The following FAM120B variants were observed in gnomAD, a reference collection of about 807,000 sequenced individuals.
The protein encoded by FAM120B is family with sequence similarity 120 member B.
FAM120B carries 83 observed loss-of-function variants against 96.3 expected under a neutral mutation model. The observed-to-expected ratio is 0.86, with a 90% confidence interval of 0.72 to 1.03. The LOEUF (loss-of-function observed/expected upper bound fraction) is 1.03, where lower values mean the gene tolerates loss of function less well. Ranked by LOEUF, FAM120B falls within the 50% of genes least tolerant of loss-of-function variation. The pLI is 0.00. For missense variants in FAM120B, 1,027 were observed against 1,121.2 expected (o/e 0.92, Z 1.20); for synonymous variants, 407 against 402.7 (o/e 1.01, Z -0.13).
At chr6:170,305,221 C>T (rs771726567), upstream of FAM120B, among the ~76,000 whole-genome samples, 23 of 152,274 alleles carry the variant, frequency 1.5e-4, no homozygotes, top group Non-Finnish European at 2.4e-4. Context: ...ATATGTTTCA[C>T]TTGTTGCCTA....
intron 4 of FAM120B, among the ~76,000 whole-genome samples, chr6:170,334,851 T>C (rs1786305520): frequency 1.3e-5 from 2 of 152,204 alleles, no homozygotes; most frequent in Non-Finnish European, 2.9e-5. Context: ...GGTGTAATGA[T>C]GTAATTTTTG....
chr6:170,346,232 AGGTAAAATC>A (rs1317764036), intron 4 of FAM120B, among the ~76,000 whole-genome samples: 3 of 151,920 alleles, frequency 2.0e-5, no homozygotes, highest in African/African-American at 7.3e-5. Context: ...AATGAAACAC[AGGTAAAATC>A]TTTCCACTGT....
intron 9 of FAM120B, among the ~76,000 whole-genome samples, chr6:170,399,624 C>T (rs76567766): frequency 7.4e-5 from 8 of 108,052 alleles, no homozygotes; most frequent in East Asian, 3.5e-4. Flanking sequence ...ATGTCATAAG[C>T]CTTAGGAGTG....
intron 8 of FAM120B, among the ~76,000 whole-genome samples, chr6:170,394,108 A>G (rs1790605576): frequency 6.6e-6 from 1 of 152,210 alleles, no homozygotes; most frequent in Non-Finnish European, 1.5e-5. Context: ...CCAGTCCTGC[A>G]GACCAGTAGC....
intron 5 of FAM120B, among the ~76,000 whole-genome samples, chr6:170,357,339 A>G (rs1239169557): frequency 2.0e-5 from 3 of 151,980 alleles, no homozygotes; most frequent in Non-Finnish European, 2.9e-5. Flanking sequence ...AAGGGGTGGC[A>G]CCGTCTGCTC....
intron 6 of FAM120B, among the ~76,000 whole-genome samples, chr6:170,373,728 A>G (rs993002549): frequency 1.3e-5 from 2 of 152,258 alleles, no homozygotes; most frequent in East Asian, 3.8e-4. Context: ...GTAAAAGCAC[A>G]AGGCAAACAG....
intron 4 of FAM120B, among the ~76,000 whole-genome samples, chr6:170,341,882 G>T (rs371463673): frequency 6.6e-6 from 1 of 152,210 alleles, no homozygotes; most frequent in African/African-American, 2.4e-5. Context: ...AGCCTTCTGC[G>T]TTGGAATTGC....
intron 9 of FAM120B, 70 bp from the exon 10 acceptor site, chr6:170,404,480 T>G: frequency 7.4e-7 from 1 of 1,342,556 alleles, no homozygotes; most frequent in Non-Finnish European, 1.1e-6. Context: ...CTTAGAAATG[T>G]GCAGCATTCT....
At chr6:170,342,978 C>A (rs536349339) in intron 4 of FAM120B, among the ~76,000 whole-genome samples, 4 of 152,330 alleles carry the variant, frequency 2.6e-5, no homozygotes, top group African/African-American at 9.6e-5. Flanking sequence ...GTTGCCCTCC[C>A]CTGAGTTGGT....
At chr6:170,369,582 T>A (rs66805711) in intron 6 of FAM120B, among the ~76,000 whole-genome samples, 45,623 of 152,034 alleles carry the variant, frequency 0.3, 8,329 homozygotes, top group East Asian at 0.9. Flanking sequence ...ATGATAAAGG[T>A]TCCAGGTGTT....
intron 5 of FAM120B, among the ~76,000 whole-genome samples, chr6:170,355,265 G>A (rs996393829): frequency 2.6e-5 from 4 of 152,152 alleles, no homozygotes; most frequent in Non-Finnish European, 1.5e-5. Flanking sequence ...ATACATGCAT[G>A]AGTATGTTCA....
chr6:170,395,055 G>A (rs190339401), intron 8 of FAM120B, among the ~76,000 whole-genome samples: 2 of 152,346 alleles, frequency 1.3e-5, no homozygotes, highest in African/African-American at 4.8e-5. Context: ...TTTAAAGCAC[G>A]AAAAGTGTGT....
At chr6:170,371,234 GAC>G (rs1425096220) in intron 6 of FAM120B, among the ~76,000 whole-genome samples, 14 of 151,314 alleles carry the variant, frequency 9.3e-5, no homozygotes, top group Non-Finnish European at 1.8e-4. Context: ...TCATAAACAT[GAC>G]ATCGCACAGT....
chr6:170,397,994 C>T (rs1778277175), intron 9 of FAM120B, among the ~76,000 whole-genome samples: 1 of 152,216 alleles, frequency 6.6e-6, no homozygotes, highest in African/African-American at 2.4e-5. Flanking sequence ...TTGGGGTTGC[C>T]CCCTTTCTTC....
At chr6:170,294,621 C>T (rs925835104), upstream of FAM120B, among the ~76,000 whole-genome samples, 2 of 152,186 alleles carry the variant, frequency 1.3e-5, no homozygotes, top group Non-Finnish European at 2.9e-5. This position sits in a 1 kb window ranked among gnomAD's most constrained non-coding sequence, Gnocchi z 7.9. Flanking sequence ...GTGTGCATGA[C>T]CTAATACCAT....
At position 170,375,985 on chromosome 6, in the gene FAM120B, A is replaced by G. The variant is rs923525695; in HGVS notation, c.2284-12302A>G. Among the ~76,000 whole-genome samples the G allele has an allele frequency of 2.6e-5, 4 of 152,180 alleles. No homozygotes were observed. In the South Asian group the frequency reaches 6.2e-4, roughly 24 times the overall value. On this transcript the variant is annotated intron_variant, in intron 6 of 10. Coordinates refer to ENST00000476287, the MANE Select transcript of FAM120B (RefSeq NM_032448.3). The stretch of plus-strand genomic sequence containing the variant: ...GGAGCCACAGATGGGTGGCCCTAAA[A>G]AGGCCAGAGAATTCAGTGAGGAGCC...
At chr6:170,346,013 G>GT (rs1405238060) in intron 4 of FAM120B, among the ~76,000 whole-genome samples, 3 of 152,228 alleles carry the variant, frequency 2.0e-5, no homozygotes, top group African/African-American at 7.2e-5. Flanking sequence ...GTAGGCAGCT[G>GT]TAACAGTGGC....
Position 170,319,073 on chromosome 6 carries a change from G to A in FAM120B, c.1683G>A (p.Gly561=). Residue 561 remains glycine (G), a synonymous_variant, in exon 2 of 11, where the codon GGG becomes GGA. Transcript: ENST00000476287. ...EIKQEDPTNV[G]PEVKQQVTMV... ...AACAAGAAGACCCCACAAATGTGGG[G>A]CCTGAAGTAAAGCAACAAGTAACCA... 6.3e-7 allele frequency: 1 copy of A among 1,589,864 alleles called. No homozygotes were observed. Among genetic ancestry groups the A allele is most frequent in the Non-Finnish European group, 8.6e-7 (1 of 1,169,170 alleles).
intron 6 of FAM120B, among the ~76,000 whole-genome samples, chr6:170,385,767 G>A (rs116660395): frequency 0.015 from 2,246 of 152,254 alleles, 44 homozygotes; most frequent in African/African-American, 0.049. Flanking sequence ...ACGAACTGTG[G>A]TCCATCCAGA....
Sources: allele counts gnomAD v4.1 joint callset (sites outside exome capture counted in the v4.1 genomes callset), GRCh38; gene constraint gnomAD v4.1.1; non-coding constraint Gnocchi (gnomAD v3.1); transcripts MANE v1.5; gene names NCBI Gene and HGNC (gene_info 2026-07-23, HGNC 2026-07-21).